SHISA6: variants seen among roughly 807,000 people sequenced by gnomAD.
SHISA6 encodes shisa family member 6, also known as protein shisa-6.
Under a neutral mutation model 47.9 loss-of-function variants are expected in SHISA6, and 22 were observed. That is an observed-to-expected ratio of 0.46 (90% CI 0.33 to 0.66). SHISA6 has a LOEUF of 0.66. Among genes scored for constraint, SHISA6 ranks in the 30% least tolerant of loss-of-function variants. The probability of loss-of-function intolerance (pLI) is 0.02; values close to 1 mark genes in which losing one functional copy is unlikely to be tolerated. For missense variants in SHISA6, 680 were observed against 764.6 expected (o/e 0.89, Z 1.30); for synonymous variants, 388 against 337.8 (o/e 1.15, Z -1.63).
Position 11,538,959 on chromosome 17 carries a change from G to C in SHISA6, c.896-12937G>C, listed in dbSNP as rs184212105. ...TTGTTTTTGTTTGTTTGTTTGTTTG[G>C]AGATGGAGTCTCGCTCTGTCAACCA... On this transcript the variant is annotated intron_variant, in intron 3 of 5. Transcript: ENST00000441885. Among the ~76,000 whole-genome samples, 373 of 151,980 alleles carry C rather than the reference G, an allele frequency of 2.5e-3. 1 individual carries two copies. The highest frequency in any genetic ancestry group is 8.6e-3 in the African/African-American group (356 of 41,446).
chr17:11,551,210 G>A (rs533602148), intron 3 of SHISA6, among the ~76,000 whole-genome samples: 2 of 152,208 alleles, frequency 1.3e-5, no homozygotes, highest in African/African-American at 4.8e-5. Flanking sequence ...AAAGCTTTTG[G>A]AACGCCTTGA....
intron 3 of SHISA6, among the ~76,000 whole-genome samples, chr17:11,473,913 G>A (rs1479059222): frequency 3.3e-5 from 5 of 151,700 alleles, no homozygotes; most frequent in African/African-American, 9.7e-5. Context: ...CCCCTTGCCA[G>A]TCATCCCCCA....
intron 1 of SHISA6, among the ~76,000 whole-genome samples, chr17:11,258,847 C>T (rs1371811134): frequency 6.6e-6 from 1 of 152,146 alleles, no homozygotes; most frequent in African/African-American, 2.4e-5. Flanking sequence ...GGTCTTTGCC[C>T]CAACGATTAA....
intron 2 of SHISA6, among the ~76,000 whole-genome samples, chr17:11,326,132 G>A (rs1358547872): frequency 9.2e-5 from 14 of 152,022 alleles, no homozygotes; most frequent in Admixed American, 3.3e-4. Context: ...TTAGCCAGGC[G>A]TGGTGGCATG....
At chr17:11,279,628 G>C (rs542958149) in intron 2 of SHISA6, among the ~76,000 whole-genome samples, 7 of 152,204 alleles carry the variant, frequency 4.6e-5, no homozygotes, top group African/African-American at 1.7e-4. Flanking sequence ...TCTTAGGAAG[G>C]CTGACTCACT....
At chr17:11,351,645 G>T (rs913827792) in intron 2 of SHISA6, among the ~76,000 whole-genome samples, 1 of 152,190 alleles carries the variant, frequency 6.6e-6, no homozygotes, top group Non-Finnish European at 1.5e-5. Flanking sequence ...ATTTGTATTA[G>T]TCTGTGAGAT....
At chr17:11,315,633 A>C (rs1016892678) in intron 2 of SHISA6, among the ~76,000 whole-genome samples, 4 of 152,196 alleles carry the variant, frequency 2.6e-5, no homozygotes, top group Admixed American at 1.3e-4. Context: ...CTTTTTCTGC[A>C]CTTCGAATGA....
At chr17:11,551,262 T>C (rs548668138) in intron 3 of SHISA6, among the ~76,000 whole-genome samples, 1 of 152,366 alleles carries the variant, frequency 6.6e-6, no homozygotes, top group Admixed American at 6.5e-5. Context: ...ATTGTGTGGC[T>C]TATTCCATCT....
intron 2 of SHISA6, among the ~76,000 whole-genome samples, chr17:11,286,055 C>T (rs896624277): frequency 6.6e-6 from 1 of 151,968 alleles, no homozygotes; most frequent in Admixed American, 6.6e-5. Context: ...CCAGGATGGT[C>T]TCGAACTCCT....
intron 3 of SHISA6, among the ~76,000 whole-genome samples, chr17:11,449,233 G>A (rs534853883): frequency 6.6e-6 from 1 of 152,218 alleles, no homozygotes; most frequent in East Asian, 1.9e-4. Context: ...CCCGAGCTCA[G>A]GAGTTCGAGA....
chr17:11,301,373 C>T (rs1291708969), intron 2 of SHISA6, among the ~76,000 whole-genome samples: 9 of 152,048 alleles, frequency 5.9e-5, no homozygotes, highest in African/African-American at 1.7e-4. Flanking sequence ...GTACATTGAC[C>T]TTTATTTGTC....
intron 2 of SHISA6, among the ~76,000 whole-genome samples, chr17:11,362,857 C>T (rs1014678751): frequency 4.6e-5 from 7 of 152,156 alleles, no homozygotes; most frequent in Admixed American, 2.0e-4. Flanking sequence ...CTGGTTTTAG[C>T]CTGACTTTCT....
Position 11,557,737 on chromosome 17 carries a change from C to A in SHISA6, c.1106-17C>A. 6.6e-7 allele frequency: 1 copy of A among 1,520,178 alleles called. No homozygotes were observed. Among genetic ancestry groups the A allele is most frequent in the South Asian group, 1.3e-5 (1 of 78,208 alleles). The allele number at this position is 1,520,178 out of a possible 1,614,324, so 94.2% of individuals were successfully genotyped here. A position where few individuals can be genotyped will look rare whatever the true frequency, so the allele number is the denominator to read the frequency against. ...GTCACCCCAGTTGCCTTCTCTCACT[C>A]TGTCTCTCCCCTGCAGCCGACAAGG... On this transcript the variant is annotated splice_polypyrimidine_tract_variant and intron_variant, in intron 5 of 5. Coordinates refer to ENST00000441885, the MANE Select transcript of SHISA6 (RefSeq NM_207386.4).
intron 1 of SHISA6, among the ~76,000 whole-genome samples, chr17:11,253,403 C>T (rs1426503830): frequency 2.6e-5 from 4 of 151,832 alleles, no homozygotes; most frequent in African/African-American, 4.8e-5. Flanking sequence ...GGGACATACA[C>T]CATGGAGAAG....
chr17:11,252,323 G>T (rs1597422310), intron 1 of SHISA6, among the ~76,000 whole-genome samples: 2 of 152,044 alleles, frequency 1.3e-5, no homozygotes, highest in Admixed American at 1.3e-4. Context: ...CATTAGCTTC[G>T]GCATTAAAGT....
At chr17:11,494,296 G>C (rs1477742082) in intron 3 of SHISA6, among the ~76,000 whole-genome samples, 1 of 152,088 alleles carries the variant, frequency 6.6e-6, no homozygotes, top group Admixed American at 6.5e-5. Flanking sequence ...GCTCTCCTCT[G>C]CTGTTAATGT....
At chr17:11,470,029 C>G (rs748258518) in intron 3 of SHISA6, among the ~76,000 whole-genome samples, 26 of 152,134 alleles carry the variant, frequency 1.7e-4, no homozygotes, top group Non-Finnish European at 3.2e-4. Flanking sequence ...TGAGCATGCA[C>G]AGAGGAAAGG....
chr17:11,486,285 A>G (rs549310307), intron 3 of SHISA6, among the ~76,000 whole-genome samples: 1 of 152,280 alleles, frequency 6.6e-6, no homozygotes, highest in Admixed American at 6.5e-5. Flanking sequence ...TTGTCATTCA[A>G]AAGCACCATT....
chr17:11,409,514 G>T (rs565917349), intron 3 of SHISA6, among the ~76,000 whole-genome samples: 1 of 152,044 alleles, frequency 6.6e-6, no homozygotes, highest in Non-Finnish European at 1.5e-5. Flanking sequence ...GACCAGCCTG[G>T]CCAATATGGT....
Sources: allele counts gnomAD v4.1 joint callset (sites outside exome capture counted in the v4.1 genomes callset), GRCh38; gene constraint gnomAD v4.1.1; transcripts MANE v1.5; gene names NCBI Gene and HGNC (gene_info 2026-07-23, HGNC 2026-07-21).